FHAD1: variants seen among roughly 807,000 people sequenced by gnomAD.
FHAD1 encodes forkhead-associated domain-containing protein 1.
In FHAD1, 146 loss-of-function variants were observed where a neutral mutation model predicts 191.3. That is an observed-to-expected ratio of 0.76 (90% CI 0.67 to 0.88). FHAD1 has a LOEUF of 0.88. Among genes scored for constraint, FHAD1 ranks in the 40% least tolerant of loss-of-function variants. The pLI, the probability that FHAD1 is intolerant of heterozygous loss-of-function variation, is 0.00. For missense variants in FHAD1, 1,635 were observed against 1,785.8 expected (o/e 0.92, Z 1.52); for synonymous variants, 616 against 672.3 (o/e 0.92, Z 1.29).
intron 2 of FHAD1, among the ~76,000 whole-genome samples, chr1:15,263,510 CTTTTTTTTTT>C (rs771788861): frequency 0.13 from 9,971 of 75,716 alleles, 554 homozygotes; most frequent in East Asian, 0.32. Context: ...CAGTTTTATT[CTTTTTTTTTT>C]TTTTTTTTTT....
At chr1:15,240,579 T>TA (rs1246621906) in intron 1 of FHAD1, among the ~76,000 whole-genome samples, 25 of 145,102 alleles carry the variant, frequency 1.7e-4, no homozygotes, top group African/African-American at 6.4e-4. Context: ...TGCAGTGAGT[T>TA]ACGATCACAT....
In FHAD1 at chr1:15,374,499, C is replaced by T. The variant is rs1407589602; in HGVS notation, c.3448-3C>T. 9.0e-6 allele frequency: 14 copies of T among 1,551,706 alleles called. No individual in the cohort carries two copies. The highest frequency in any genetic ancestry group is 4.9e-5 in the East Asian group (2 of 40,924). On this transcript the variant is annotated splice_polypyrimidine_tract_variant and splice_region_variant and intron_variant, in intron 26 of 33. Transcript: ENST00000688493. ...AATGCTGCCCGCCCCATTCTGCCCA[C>T]AGCAGCAATCCTTCAGCGATCTAGG...
At chr1:15,400,799 TGTG>T (rs1476771785), downstream of FHAD1, among the ~76,000 whole-genome samples, 1 of 152,250 alleles carries the variant, frequency 6.6e-6, no homozygotes, top group Non-Finnish European at 1.5e-5. Flanking sequence ...CTCGTTCACA[TGTG>T]GTGGCCACAG....
intron 10 of FHAD1, 56 bp downstream of exon 10, chr1:15,317,984 C>A: frequency 8.9e-7 from 1 of 1,129,882 alleles, no homozygotes; most frequent in South Asian, 1.3e-5. Flanking sequence ...CCCCACTCAT[C>A]ATCCCTGTTA....
intron 18 of FHAD1, 145 bp downstream of exon 18, chr1:15,345,668 G>A: frequency 1.5e-6 from 1 of 675,442 alleles, no homozygotes; most frequent in East Asian, 2.7e-5. Flanking sequence ...GCTACTTTGG[G>A]AAGCGTGGGA....
chr1:15,345,342 C>A (rs765720924), intron 17 of FHAD1, 74 bp from the exon 18 acceptor site: 498 of 1,432,218 alleles, frequency 3.5e-4, no homozygotes, highest in Non-Finnish European at 4.7e-4. Flanking sequence ...GAAGAGGAAA[C>A]CTGTGCGGTG....
At chr1:15,245,784 T>C (rs545733993), upstream of FHAD1, among the ~76,000 whole-genome samples, 70 of 152,340 alleles carry the variant, frequency 4.6e-4, no homozygotes, top group African/African-American at 1.5e-3. Context: ...GTCAAGCTTG[T>C]TGCAAATGCA....
At chr1:15,337,781 C>T (rs575595250) in intron 14 of FHAD1, among the ~76,000 whole-genome samples, 22 of 151,976 alleles carry the variant, frequency 1.4e-4, no homozygotes, top group Non-Finnish European at 1.9e-4. Flanking sequence ...AAAAAAACAA[C>T]GCTCTTCATC....
intron 2 of FHAD1, among the ~76,000 whole-genome samples, chr1:15,256,091 T>C (rs1330487037): frequency 1.3e-5 from 2 of 152,188 alleles, no homozygotes; most frequent in Admixed American, 6.5e-5. Context: ...AACCTTCTGG[T>C]TATAATCTGT....
At chr1:15,297,807 G>C (rs1189583324) in intron 5 of FHAD1, among the ~76,000 whole-genome samples, 1 of 151,412 alleles carries the variant, frequency 6.6e-6, no homozygotes, top group Admixed American at 6.6e-5. Flanking sequence ...TTTTTTGCTT[G>C]TTTGTTATTT....
intron 1 of FHAD1, among the ~76,000 whole-genome samples, chr1:15,242,013 T>C (rs1387822729): frequency 2.0e-5 from 3 of 152,098 alleles, no homozygotes; most frequent in African/African-American, 7.2e-5. Context: ...GGCGGGTGGA[T>C]CACGAGGTCA....
At chr1:15,326,273 G>A (rs1223097488) in intron 11 of FHAD1, 1 of 152,188 alleles carries the variant, frequency 6.6e-6, no homozygotes, top group Admixed American at 6.5e-5. Context: ...TCACGCCAGG[G>A]GCTGCCATGT....
intron 33 of FHAD1, among the ~76,000 whole-genome samples, chr1:15,393,430 G>GCGCGCACACACA (rs148170141): frequency 1.4e-5 from 2 of 146,742 alleles, no homozygotes; most frequent in African/African-American, 5.0e-5. Flanking sequence ...ACACACACAC[G>GCGCGCACACACA]CACACACACA....
intron 28 of FHAD1, among the ~76,000 whole-genome samples, chr1:15,378,653 A>G (rs976877634): frequency 1.3e-5 from 2 of 152,224 alleles, no homozygotes; most frequent in African/African-American, 4.8e-5. Flanking sequence ...TTCTCATCTC[A>G]TAGATAGATA....
At chr1:15,354,048 A>G (rs1244247860) in intron 20 of FHAD1, among the ~76,000 whole-genome samples, 1 of 152,186 alleles carries the variant, frequency 6.6e-6, no homozygotes, top group Admixed American at 6.5e-5. Flanking sequence ...TCATGGGTTA[A>G]ATTTAAATAT....
chr1:15,310,006 T>C lies in FHAD1; in HGVS notation c.1039+1270T>C, dbSNP rs187533224. Among the ~76,000 whole-genome samples the C allele has an allele frequency of 4.9e-4, 74 of 152,076 alleles. 1 individual carries two copies. Among genetic ancestry groups the C allele is most frequent in the African/African-American group, 1.8e-3 (73 of 41,492 alleles). On this transcript the variant is annotated intron_variant, in intron 7 of 33. Coordinates refer to ENST00000688493, the MANE Select transcript of FHAD1 (RefSeq NM_001391957.1). ...AGGGGGGAGGCAGGGCCACATTACA[T>C]GGGAGGGGTTCAGGTTTTCTTCTAA...
chr1:15,248,587 T>C (rs1212897394), intron 1 of FHAD1, among the ~76,000 whole-genome samples: 1 of 151,788 alleles, frequency 6.6e-6, no homozygotes, highest in Non-Finnish European at 1.5e-5. Context: ...ACCTTTTTTT[T>C]TTTTTTTTAA....
At chr1:15,376,039 T>TTTTTA (rs1570431373) in intron 28 of FHAD1, among the ~76,000 whole-genome samples, 2 of 146,174 alleles carry the variant, frequency 1.4e-5, no homozygotes, top group African/African-American at 5.0e-5. Flanking sequence ...TTTTTATTTA[T>TTTTTA]TTTTATTTTA....
chr1:15,247,659 G>A (rs965880233), intron 1 of FHAD1, among the ~76,000 whole-genome samples: 3 of 152,110 alleles, frequency 2.0e-5, no homozygotes, highest in Admixed American at 1.3e-4. Context: ...GAAGTCCTGG[G>A]GGTTACAGCT....
Sources: allele counts gnomAD v4.1 joint callset (sites outside exome capture counted in the v4.1 genomes callset), GRCh38; gene constraint gnomAD v4.1.1; transcripts MANE v1.5; gene names NCBI Gene and HGNC (gene_info 2026-07-23, HGNC 2026-07-21).